The following TADA2A variants were observed in gnomAD, a reference collection of about 807,000 sequenced individuals.
TADA2A encodes the protein transcriptional adapter 2-alpha.
TADA2A carries 38 observed loss-of-function variants against 67.4 expected under a neutral mutation model. That is an observed-to-expected ratio of 0.56 (90% CI 0.44 to 0.74). The LOEUF (loss-of-function observed/expected upper bound fraction) is 0.74. Among genes scored for constraint, TADA2A ranks in the 30% least tolerant of loss-of-function variants. The probability of loss-of-function intolerance (pLI) is 0.00; values close to 1 mark genes in which losing one functional copy is unlikely to be tolerated. For missense variants in TADA2A, 454 were observed against 547.0 expected (o/e 0.83, Z 1.70); for synonymous variants, 192 against 181.6 (o/e 1.06, Z -0.46).
At chr17:37,442,064 C>G (rs984903770) in intron 6 of TADA2A, among the ~76,000 whole-genome samples, 9 of 152,142 alleles carry the variant, frequency 5.9e-5, no homozygotes, top group African/African-American at 2.2e-4. Context: ...ATAGGCAGAG[C>G]AAGTGCTTTT....
rs780549502 is a variant in TADA2A at position 37,476,843 on chromosome 17, A to G, written c.1193A>G (p.Lys398Arg). The G allele has an allele frequency of 1.1e-5, 17 of 1,614,024 alleles. No individual in the cohort carries two copies. Among genetic ancestry groups the G allele is most frequent in the Non-Finnish European group, 1.4e-5 (17 of 1,179,988 alleles). Residue 398 changes from lysine to arginine, a missense_variant, in exon 16 of 16, where the codon AAA becomes AGA. Lys to Arg is a conservative substitution (Grantham distance 26). This residue lies in a region of TADA2A where 51 missense variants were observed against 91.5 expected (regional missense o/e 0.56). Coordinates refer to ENST00000615182, the MANE Select transcript of TADA2A (RefSeq NM_001166105.3). ...RLVPGAYLEY[K>R]SALLNECNKQ... ...GTCCCTGGAGCCTATTTAGAATACA[A>G]ATCTGCTCTATTGAACGAATGTAAC...
At chr17:37,473,961 A>C (rs545628627) in intron 14 of TADA2A, among the ~76,000 whole-genome samples, 1 of 152,188 alleles carries the variant, frequency 6.6e-6, no homozygotes, top group Non-Finnish European at 1.5e-5. Flanking sequence ...AGGATTAGGG[A>C]ATGTCTGTTC....
chr17:37,416,898 C>T (rs2052067273), intron 2 of TADA2A, among the ~76,000 whole-genome samples: 1 of 151,834 alleles, frequency 6.6e-6, no homozygotes, highest in Admixed American at 6.6e-5. Context: ...AAAAGCCTCT[C>T]TCTTGTTTCC....
chr17:37,464,216 T>C (rs2053611123), intron 10 of TADA2A, among the ~76,000 whole-genome samples: 1 of 152,216 alleles, frequency 6.6e-6, no homozygotes, highest in Admixed American at 6.5e-5. Flanking sequence ...CTGCATGATA[T>C]TTGCATGACA....
At chr17:37,440,468 CA>C in intron 5 of TADA2A, 36 bp from the exon 6 acceptor site, 1 of 1,608,460 alleles carries the variant, frequency 6.2e-7, no homozygotes, top group Non-Finnish European at 8.5e-7. Context: ...TGTGTAAATA[CA>C]AGTACCACTT....
At chr17:37,447,783 G>A (rs950149526) in intron 8 of TADA2A, among the ~76,000 whole-genome samples, 4 of 152,106 alleles carry the variant, frequency 2.6e-5, no homozygotes, top group African/African-American at 9.7e-5. Flanking sequence ...GCTGTCACTC[G>A]CAGAACACTC....
chr17:37,441,463 T>C (rs1292879989), intron 6 of TADA2A, among the ~76,000 whole-genome samples: 1 of 152,208 alleles, frequency 6.6e-6, no homozygotes, highest in Non-Finnish European at 1.5e-5. Context: ...GATGGCGAAC[T>C]TTTTAATCTC....
chr17:37,433,411 A>G (rs1347127599), intron 4 of TADA2A, among the ~76,000 whole-genome samples: 2 of 152,298 alleles, frequency 1.3e-5, no homozygotes, highest in East Asian at 3.9e-4. Flanking sequence ...TAATCCCAGC[A>G]CTTTGAGAGG....
intron 2 of TADA2A, among the ~76,000 whole-genome samples, chr17:37,415,861 T>A (rs1597845604): frequency 8.2e-6 from 1 of 122,682 alleles, no homozygotes; most frequent in African/African-American, 3.3e-5. Context: ...GCGACAAGAG[T>A]GAAACTCCTT....
At chr17:37,445,463 G>A (rs995611545) in intron 8 of TADA2A, among the ~76,000 whole-genome samples, 7 of 151,954 alleles carry the variant, frequency 4.6e-5, no homozygotes, top group African/African-American at 1.2e-4. Context: ...ATGGGGTTTC[G>A]CCATGTTGGC....
At chr17:37,429,879 T>C (rs1328670105) in intron 4 of TADA2A, among the ~76,000 whole-genome samples, 1 of 152,150 alleles carries the variant, frequency 6.6e-6, no homozygotes, top group Non-Finnish European at 1.5e-5. Flanking sequence ...TTTTTCCCCC[T>C]TTAAATGCAA....
rs77291610 is a variant in TADA2A at position 37,417,559 on chromosome 17, T to C, written c.26-5950T>C. Among the ~76,000 whole-genome samples, 437 of 152,046 alleles carry C rather than the reference T, an allele frequency of 2.9e-3. 4 individuals are homozygous for C. The highest frequency in any genetic ancestry group is 0.01 in the African/African-American group (424 of 41,486). ...TGATTTCTTTTTTTTTCTTGAGACA[T>C]AGTCTCGCTCTGTTGCCCATGCTAG... On this transcript the variant is annotated intron_variant, in intron 2 of 15. Coordinates refer to ENST00000615182, the MANE Select transcript of TADA2A (RefSeq NM_001166105.3).
At chr17:37,440,370 T>C (rs1568155734) in intron 5 of TADA2A, 135 bp from the exon 6 acceptor site, 1 of 1,027,624 alleles carries the variant, frequency 9.7e-7, no homozygotes, top group African/African-American at 1.6e-5. Context: ...TCTGCTGATA[T>C]CTTTTTGATA....
chr17:37,463,786 A>G (rs2053600329), intron 10 of TADA2A, among the ~76,000 whole-genome samples: 1 of 151,112 alleles, frequency 6.6e-6, no homozygotes, highest in Non-Finnish European at 1.5e-5. Context: ...CTCCATCTCT[A>G]CTAAAAAATA....
At position 37,437,829 on chromosome 17, in the gene TADA2A, G is replaced by A. The variant is rs888361627; in HGVS notation, c.284G>A (p.Trp95Ter). The A allele has an allele frequency of 6.2e-7, 1 of 1,614,054 alleles. No individual in the cohort carries two copies. The highest frequency in any genetic ancestry group is 1.7e-5 in the Admixed American group (1 of 60,018). Residue 95 changes from tryptophan (W) to a stop codon, truncating the protein, a stop_gained and splice_region_variant, in exon 5 of 16, where the codon TGG becomes TAG. Transcript: ENST00000615182. LOFTEE classifies it high-confidence loss of function. ...GTGATGGACTGTGGCTTTGGAAATT[G>A]GTAAGAGCTTGGTGTTAAGAGTTGT... ...EAVMDCGFGNWQDVANQMCTK... is the reference protein window; with the variant it reads ...EAVMDCGFGN
chr17:37,466,569 C>T (rs1032947830), intron 11 of TADA2A, among the ~76,000 whole-genome samples: 8 of 152,154 alleles, frequency 5.3e-5, no homozygotes, highest in Admixed American at 2.6e-4. Context: ...TTATTCTCAC[C>T]GTGAAAATAT....
chr17:37,478,131 CAAAA>C lies in TADA2A; in HGVS notation c.*1155_*1158del, dbSNP rs1379242563. 7.2e-6 allele frequency: 1 copy of C among 139,232 alleles called. No individual in the cohort carries two copies. The highest frequency in any genetic ancestry group is 1.6e-5 in the Non-Finnish European group (1 of 63,756). 8.6% of individuals were successfully genotyped at this position (139,232 alleles called of 1,614,324 possible). On this transcript the variant is annotated 3_prime_UTR_variant, in exon 16 of 16. Transcript: ENST00000615182. ...AGACTCTGTCTCAAAAAAAAAAAAA[CAAAA>C]AAAAACCTTTAATGTCTGGCTTTGT...
rs902164359 is a variant in TADA2A, at chr17:37,427,080, T to C, written c.192+71T>C. 8 of 1,369,970 alleles carry C rather than the reference T, an allele frequency of 5.8e-6. No individual in the cohort carries two copies. The East Asian group carries it at 2.0e-4, about 34-fold the overall frequency. The allele number at this position is 1,369,970 out of a possible 1,614,324, so 84.9% of individuals were successfully genotyped here. A position where few individuals can be genotyped will look rare whatever the true frequency, so the allele number is the denominator to read the frequency against. On this transcript the variant is annotated intron_variant, in intron 4 of 15. Coordinates refer to ENST00000615182, the MANE Select transcript of TADA2A (RefSeq NM_001166105.3). ...TTAGACTGGGAAGTAGTTTTTCTTT[T>C]CCATTTTTCTTTAAGCTCTCTTGGA...
intron 9 of TADA2A, among the ~76,000 whole-genome samples, chr17:37,460,921 G>T (rs1431772920): frequency 6.6e-6 from 1 of 151,822 alleles, no homozygotes; most frequent in Admixed American, 6.6e-5. Context: ...CTTGAGCCTA[G>T]GAGTTCAAGG....
Sources: gnomAD v4.1 joint callset for allele counts (sites outside exome capture counted in the v4.1 genomes callset) on GRCh38, gnomAD v4.1.1 for gene constraint, gnomAD v4.1.1 regional missense constraint, MANE v1.5 for transcripts, NCBI Gene and HGNC (gene_info 2026-07-23, HGNC 2026-07-21) for gene names.